Variants in RCOR1 observed in about 807,000 individuals in gnomAD.
The protein encoded by RCOR1 is REST corepressor 1.
RCOR1 carries 12 observed loss-of-function variants against 64.0 expected under a neutral mutation model. That is an observed-to-expected ratio of 0.19 (90% CI 0.12 to 0.30). The LOEUF is 0.30. Ranked by LOEUF, RCOR1 falls within the 10% of genes least tolerant of loss-of-function variation. The pLI is 1.00. For synonymous variants in RCOR1, 279 were observed against 227.2 expected (o/e 1.23, Z -2.05); for missense variants, 502 against 621.2 (o/e 0.81, Z 2.04).
chr14:102,597,602 TTCAGGCGTGAGCCAC>T (rs1332125739), intron 2 of RCOR1, among the ~76,000 whole-genome samples: 1 of 150,314 alleles, frequency 6.7e-6, no homozygotes, highest in African/African-American at 2.5e-5. Context: ...GTGCTGGGAT[TTCAGGCGTGAGCCAC>T]TGCGCCCGAC....
chr14:102,621,302 A>G (rs1308489223), intron 2 of RCOR1, among the ~76,000 whole-genome samples: 1 of 151,624 alleles, frequency 6.6e-6, no homozygotes, highest in Non-Finnish European at 1.5e-5. Flanking sequence ...ATTCTTTGTA[A>G]GAACACTTCT....
intron 2 of RCOR1, among the ~76,000 whole-genome samples, chr14:102,616,305 A>G (rs1893762431): frequency 6.6e-6 from 1 of 151,038 alleles, no homozygotes. Context: ...GTCTTTCCCC[A>G]GTTGCCAAGG....
intron 3 of RCOR1, among the ~76,000 whole-genome samples, chr14:102,690,063 C>A (rs1895500364): frequency 6.6e-6 from 1 of 151,642 alleles, no homozygotes; most frequent in African/African-American, 2.4e-5. Context: ...TTTAAGCTAG[C>A]TATTAACTAT....
chr14:102,627,960 G>GGGGTGTGTGTGTGT (rs1894016283), intron 2 of RCOR1, among the ~76,000 whole-genome samples: 1 of 148,972 alleles, frequency 6.7e-6, no homozygotes, highest in African/African-American at 2.5e-5. Context: ...ATTTAAAAGG[G>GGGGTGTGTGTGTGT]GTGTGTGTGT....
intron 2 of RCOR1, among the ~76,000 whole-genome samples, chr14:102,671,130 A>G (rs992539333): frequency 2.6e-5 from 4 of 151,974 alleles, no homozygotes; most frequent in Non-Finnish European, 5.9e-5. Context: ...TTCAGTTCTC[A>G]TTGTTTTCGC....
At chr14:102,598,865 A>G (rs934008032) in intron 2 of RCOR1, among the ~76,000 whole-genome samples, 2 of 152,100 alleles carry the variant, frequency 1.3e-5, no homozygotes, top group East Asian at 1.9e-4. Context: ...ACCAACTTTT[A>G]AAGAGTTAAA....
rs750236349 is a variant in RCOR1, at chr14:102,730,401, G to A, written c.*3895G>A. 1 of 166,730 alleles carries A rather than the reference G, an allele frequency of 6.0e-6. No individual in the cohort carries two copies. The highest frequency in any genetic ancestry group is 1.3e-5 in the Non-Finnish European group (1 of 77,738). The allele number at this position is 166,730 out of a possible 1,614,324, so 10.3% of individuals were successfully genotyped here. A position where few individuals can be genotyped will look rare whatever the true frequency, so the allele number is the denominator to read the frequency against. On this transcript the variant is annotated 3_prime_UTR_variant, in exon 12 of 12. Transcript: ENST00000262241. ...TGTTTTCTATTTCAGCACATTCATT[G>A]TGGTGAATGTTCATAGCATTATAAC...
chr14:102,645,138 T>C (rs1894454445), intron 2 of RCOR1, among the ~76,000 whole-genome samples: 1 of 152,212 alleles, frequency 6.6e-6, no homozygotes, highest in African/African-American at 2.4e-5. Flanking sequence ...CTGTTTGTGG[T>C]AGGTCCTTCA....
intron 2 of RCOR1, among the ~76,000 whole-genome samples, chr14:102,674,591 A>G (rs1895100635): frequency 6.6e-6 from 1 of 152,184 alleles, no homozygotes; most frequent in South Asian, 2.1e-4. Context: ...AGGTATCCAC[A>G]CGTCCACTTT....
At chr14:102,714,116 A>G (rs1896015595) in intron 7 of RCOR1, among the ~76,000 whole-genome samples, 1 of 152,250 alleles carries the variant, frequency 6.6e-6, no homozygotes, top group African/African-American at 2.4e-5. Context: ...CAGAGAATAC[A>G]GATTTTTTTC....
chr14:102,634,399 G>T (rs1045947521), intron 2 of RCOR1, among the ~76,000 whole-genome samples: 5 of 150,978 alleles, frequency 3.3e-5, no homozygotes, highest in African/African-American at 9.9e-5. Flanking sequence ...CAACCAACCC[G>T]CAAAACCAAA....
chr14:102,713,337 C>G (rs1471714080), intron 7 of RCOR1, among the ~76,000 whole-genome samples: 2 of 149,650 alleles, frequency 1.3e-5, no homozygotes, highest in East Asian at 3.9e-4. Flanking sequence ...CGGCTCACTG[C>G]AAGCTGCGCC....
At position 102,592,719 on chromosome 14, in the gene RCOR1, G is replaced by C; in HGVS notation, c.-168G>C. 1.6e-6 allele frequency: 2 copies of C among 1,225,718 alleles called. No individual in the cohort carries two copies. Among genetic ancestry groups the C allele is most frequent in the South Asian group, 4.1e-5 (1 of 24,284 alleles). The allele number at this position is 1,225,718 out of a possible 1,614,324, so 75.9% of individuals were successfully genotyped here. On this transcript the variant is annotated 5_prime_UTR_variant, in exon 1 of 12. Coordinates refer to ENST00000262241, the MANE Select transcript of RCOR1 (RefSeq NM_015156.4). ...GGCTCGTCGCTGGGGGCTTGAAGCGGCTCCGCGCTCTGCCCGTTTGGGCCT... is the reference window on the plus strand; with the variant it reads ...GGCTCGTCGCTGGGGGCTTGAAGCGCCTCCGCGCTCTGCCCGTTTGGGCCT...
intron 2 of RCOR1, among the ~76,000 whole-genome samples, chr14:102,660,385 T>C (rs1894804954): frequency 2.0e-5 from 3 of 152,146 alleles, no homozygotes; most frequent in Admixed American, 2.0e-4. Context: ...TGTAATTAAC[T>C]TCTTTCCCCC....
intron 2 of RCOR1, among the ~76,000 whole-genome samples, chr14:102,613,303 T>A (rs540641543): frequency 1.3e-5 from 2 of 151,812 alleles, no homozygotes; most frequent in African/African-American, 4.8e-5. Flanking sequence ...GGTTTCACCG[T>A]GTTGGCCTGG....
chr14:102,704,285 A>G (rs1895806387), intron 4 of RCOR1, among the ~76,000 whole-genome samples: 1 of 152,238 alleles, frequency 6.6e-6, no homozygotes, highest in Admixed American at 6.5e-5. Flanking sequence ...CTGCACGGTG[A>G]TGTGAAAAAA....
At chr14:102,700,325 G>A (rs188438874) in intron 3 of RCOR1, among the ~76,000 whole-genome samples, 25 of 152,112 alleles carry the variant, frequency 1.6e-4, no homozygotes, top group African/African-American at 5.8e-4. Context: ...GGGTTCAAGC[G>A]ATTCTCCTGC....
intron 2 of RCOR1, among the ~76,000 whole-genome samples, chr14:102,617,140 C>T (rs1893777638): frequency 6.6e-6 from 1 of 152,118 alleles, no homozygotes; most frequent in Non-Finnish European, 1.5e-5. Flanking sequence ...GTTCTATAAA[C>T]AGTGCAGATG....
At chr14:102,660,101 C>A (rs1354954838) in intron 2 of RCOR1, among the ~76,000 whole-genome samples, 1 of 152,100 alleles carries the variant, frequency 6.6e-6, no homozygotes, top group Admixed American at 6.5e-5. Flanking sequence ...AATGAGAAAG[C>A]CCTGTTTGAA....
Sources: gnomAD v4.1 joint callset for allele counts (sites outside exome capture counted in the v4.1 genomes callset) on GRCh38, gnomAD v4.1.1 for gene constraint, MANE v1.5 for transcripts, NCBI Gene and HGNC (gene_info 2026-07-23, HGNC 2026-07-21) for gene names.